HIPK2: variants seen among roughly 807,000 people sequenced by gnomAD.
HIPK2 encodes homeodomain-interacting protein kinase 2.
HIPK2 carries 27 observed loss-of-function variants against 113.7 expected under a neutral mutation model. That is an observed-to-expected ratio of 0.24 (90% CI 0.17 to 0.33). HIPK2 has a LOEUF of 0.33. HIPK2 is among the 10% of genes least tolerant of loss of function. The pLI is 1.00. For missense variants in HIPK2, 1,257 were observed against 1,588.0 expected, an observed-to-expected ratio of 0.79 and a Z score of 3.54; for synonymous variants, 631 against 642.2, an observed-to-expected ratio of 0.98 and a Z score of 0.26.
intron 12 of HIPK2, among the ~76,000 whole-genome samples, chr7:139,591,397 G>C (rs2116613435): frequency 6.6e-6 from 1 of 152,236 alleles, no homozygotes; most frequent in Middle Eastern, 3.4e-3. Flanking sequence ...CAACTGGCCT[G>C]GGAGTTTTGA....
intron 1 of HIPK2, among the ~76,000 whole-genome samples, chr7:139,748,198 C>A (rs931236664): frequency 6.6e-6 from 1 of 152,186 alleles, no homozygotes; most frequent in Non-Finnish European, 1.5e-5. Flanking sequence ...ATCTGAGCCG[C>A]TTCTCTGCTT....
At chr7:139,590,846 T>C (rs1798994606) in intron 12 of HIPK2, among the ~76,000 whole-genome samples, 1 of 152,024 alleles carries the variant, frequency 6.6e-6, no homozygotes, top group African/African-American at 2.4e-5. Context: ...CCATTCAAAT[T>C]ATTATTATTA....
At chr7:139,735,276 C>G (rs537309497) in intron 1 of HIPK2, among the ~76,000 whole-genome samples, 1 of 152,326 alleles carries the variant, frequency 6.6e-6, no homozygotes, top group East Asian at 1.9e-4. Context: ...TACTGGGATT[C>G]CAGAGAGGAC....
chr7:139,776,724 T>C (rs1482472263), intron 1 of HIPK2, among the ~76,000 whole-genome samples: 1 of 152,196 alleles, frequency 6.6e-6, no homozygotes, highest in East Asian at 1.9e-4. Context: ...GGTTTAAAAT[T>C]TCTCCTACTA....
intron 7 of HIPK2, among the ~76,000 whole-genome samples, chr7:139,618,978 C>T (rs1800148564): frequency 6.6e-6 from 1 of 152,168 alleles, no homozygotes; most frequent in African/African-American, 2.4e-5. Context: ...ATGCTTTAGC[C>T]TTAGGGCTGG....
chr7:139,726,135 T>C (rs1183983484), intron 1 of HIPK2, among the ~76,000 whole-genome samples: 1 of 152,192 alleles, frequency 6.6e-6, no homozygotes, highest in East Asian at 1.9e-4. Flanking sequence ...TAAGAAATGA[T>C]TAAAATAAAA....
intron 1 of HIPK2, among the ~76,000 whole-genome samples, chr7:139,776,295 A>T (rs1796744849): frequency 6.6e-6 from 1 of 152,330 alleles, no homozygotes; most frequent in South Asian, 2.1e-4. Flanking sequence ...GTCTGAAAAA[A>T]AAATATTTAC....
At chr7:139,653,693 G>A (rs1801546968) in intron 2 of HIPK2, among the ~76,000 whole-genome samples, 1 of 151,882 alleles carries the variant, frequency 6.6e-6, no homozygotes, top group Non-Finnish European at 1.5e-5. Context: ...CTTTCCAAAG[G>A]TGGGGGGAAC....
At position 139,631,766 on chromosome 7, in the gene HIPK2, A is replaced by G. The variant is rs778698365; in HGVS notation, c.1104-41T>C. The G allele has an allele frequency of 2.5e-6, 4 of 1,589,908 alleles. No individual in the cohort carries two copies. In the South Asian group the frequency reaches 4.6e-5, roughly 18 times the overall value. On this transcript the variant is annotated intron_variant, in intron 2 of 14. Coordinates refer to ENST00000406875, the MANE Select transcript of HIPK2 (RefSeq NM_022740.5). The surrounding 1 kb of genome is among the most constrained non-coding windows in gnomAD (Gnocchi z 4.9). ...GGAAGAAACCATTAGCAAGTTGGAA[A>G]TGCAGGAAGCTGTTTCTATATGAAT...
At chr7:139,741,643 TCCC>T (rs1157447536) in intron 1 of HIPK2, among the ~76,000 whole-genome samples, 1 of 111,350 alleles carries the variant, frequency 9.0e-6, no homozygotes, top group Non-Finnish European at 2.1e-5. Context: ...CTCTAGCCTG[TCCC>T]ACCTTTGTTA....
At chr7:139,653,309 C>T (rs1801532469) in intron 2 of HIPK2, among the ~76,000 whole-genome samples, 1 of 152,016 alleles carries the variant, frequency 6.6e-6, no homozygotes, top group South Asian at 2.1e-4. Flanking sequence ...ACAACAGCTG[C>T]TCTTTGATTT....
chr7:139,719,729 G>A (rs561793589), intron 1 of HIPK2, among the ~76,000 whole-genome samples: 2 of 152,302 alleles, frequency 1.3e-5, no homozygotes, highest in Admixed American at 6.5e-5. Flanking sequence ...TCATAGACAA[G>A]AAGGTGCTAA....
At chr7:139,658,016 C>T (rs2116524666) in intron 2 of HIPK2, among the ~76,000 whole-genome samples, 1 of 152,212 alleles carries the variant, frequency 6.6e-6, no homozygotes, top group Middle Eastern at 3.4e-3. Context: ...TGTTATGAGC[C>T]TAAGTTCCCT....
At chr7:139,755,823 T>C (rs1278907359) in intron 1 of HIPK2, among the ~76,000 whole-genome samples, 1 of 152,278 alleles carries the variant, frequency 6.6e-6, no homozygotes, top group African/African-American at 2.4e-5. Context: ...ATCTGCCTCC[T>C]GTGGCTTTCC....
At chr7:139,608,041 C>A (rs1174659323) in intron 9 of HIPK2, among the ~76,000 whole-genome samples, 1 of 151,984 alleles carries the variant, frequency 6.6e-6, no homozygotes, top group African/African-American at 2.4e-5. Flanking sequence ...GAGTTTGAGA[C>A]CAGCCTGGCC....
intron 12 of HIPK2, among the ~76,000 whole-genome samples, chr7:139,596,430 T>G (rs559905714): frequency 6.5e-4 from 99 of 152,342 alleles, no homozygotes; most frequent in Non-Finnish European, 1.2e-3. Context: ...TGAAATACAC[T>G]GGCATTGTGT....
intron 7 of HIPK2, among the ~76,000 whole-genome samples, chr7:139,617,256 G>A (rs1800086469): frequency 6.6e-6 from 1 of 152,160 alleles, no homozygotes; most frequent in African/African-American, 2.4e-5. Context: ...ATCAGAGACT[G>A]GGGTCTTGCT....
At chr7:139,676,174 G>A (rs1421200114) in intron 2 of HIPK2, among the ~76,000 whole-genome samples, 2 of 152,100 alleles carry the variant, frequency 1.3e-5, no homozygotes, top group Non-Finnish European at 2.9e-5. Flanking sequence ...TCTATACACC[G>A]CAACTCCTCT....
intron 2 of HIPK2, among the ~76,000 whole-genome samples, chr7:139,641,334 C>T (rs1306997126): frequency 6.8e-6 from 1 of 146,338 alleles, no homozygotes; most frequent in Non-Finnish European, 1.5e-5. Context: ...CACTACACTC[C>T]AGCCTGGGTG....
Sources: gnomAD v4.1 joint callset for allele counts (sites outside exome capture counted in the v4.1 genomes callset) on GRCh38, gnomAD v4.1.1 for gene constraint, Gnocchi (gnomAD v3.1) non-coding constraint, MANE v1.5 for transcripts, NCBI Gene and HGNC (gene_info 2026-07-23, HGNC 2026-07-21) for gene names.